The following RANBP2 variants were observed in gnomAD, a reference collection of about 807,000 sequenced individuals.
The protein encoded by RANBP2 is RAN binding protein 2, also known as E3 SUMO-protein ligase RanBP2.
RANBP2 carries 57 observed loss-of-function variants against 303.6 expected under a neutral mutation model. That is an observed-to-expected ratio of 0.19 (90% confidence interval 0.15 to 0.23). The LOEUF is 0.23. Ranked by LOEUF, RANBP2 falls within the 10% of genes least tolerant of loss-of-function variation. The probability of loss-of-function intolerance (pLI) is 1.00; values close to 1 mark genes in which losing one functional copy is unlikely to be tolerated. For missense variants in RANBP2, 3,138 were observed against 3,780.8 expected, an observed-to-expected ratio of 0.83 and a Z score of 4.46; for synonymous variants, 1,167 against 1,301.5, an observed-to-expected ratio of 0.90 and a Z score of 2.23.
chr2:109,570,591 G>T, the RANBP2 span, among the ~76,000 whole-genome samples: 1 of 150,940 alleles, frequency 6.6e-6, no homozygotes, highest in Non-Finnish European at 1.5e-5. Flanking sequence ...GTGGCGTGAT[G>T]TTGGCTCACT....
chr2:109,418,646 C>T, the RANBP2 span, among the ~76,000 whole-genome samples: 1 of 152,278 alleles, frequency 6.6e-6, no homozygotes, highest in Admixed American at 6.5e-5. Context: ...TTCTCAGGAT[C>T]CTTACCTCAT....
chr2:109,664,437 C>G, the RANBP2 span, among the ~76,000 whole-genome samples: 6 of 151,282 alleles, frequency 4.0e-5, no homozygotes, highest in Non-Finnish European at 8.8e-5. Context: ...AACCCCATCT[C>G]TACTAAAAAT....
At chr2:109,043,239 C>T in the RANBP2 span, among the ~76,000 whole-genome samples, 6 of 152,206 alleles carry the variant, frequency 3.9e-5, no homozygotes, top group East Asian at 1.9e-4. Flanking sequence ...GTCATTTGTA[C>T]GTAAATTTTG....
chr2:109,251,327 A>T, the RANBP2 span: 1 of 483,830 alleles, frequency 2.1e-6, no homozygotes, highest in Non-Finnish European at 3.9e-6. Flanking sequence ...TTAACAAAGA[A>T]TTAGAGAGAT....
the RANBP2 span, among the ~76,000 whole-genome samples, chr2:109,680,409 AAAAT>A: frequency 6.6e-6 from 1 of 151,028 alleles, no homozygotes. Flanking sequence ...AAAAGATAAT[AAAAT>A]AAAATAAAAT....
the RANBP2 span, among the ~76,000 whole-genome samples, chr2:108,956,287 T>C: frequency 6.6e-6 from 1 of 152,220 alleles, no homozygotes; most frequent in Non-Finnish European, 1.5e-5. Flanking sequence ...ATACCCTTTT[T>C]ATACATTCTG....
the RANBP2 span, among the ~76,000 whole-genome samples, chr2:109,285,344 A>G: frequency 5.3e-5 from 8 of 152,346 alleles, no homozygotes; most frequent in East Asian, 1.5e-3. Flanking sequence ...GGGTTAAGCC[A>G]GCTTGTGAGT....
intron 2 of RANBP2, 66 bp from the exon 3 acceptor site, chr2:108,730,708 C>T: frequency 6.4e-7 from 1 of 1,567,362 alleles, no homozygotes. Flanking sequence ...AAGATGTATT[C>T]TTCGGTTAGC....
the RANBP2 span, among the ~76,000 whole-genome samples, chr2:109,142,049 G>T: frequency 1.3e-5 from 2 of 151,542 alleles, no homozygotes; most frequent in South Asian, 2.1e-4. Flanking sequence ...CTCCTGGGGG[G>T]GGGGTCTCAG....
the RANBP2 span, among the ~76,000 whole-genome samples, chr2:108,903,225 GA>G: frequency 6.6e-6 from 1 of 151,788 alleles, no homozygotes; most frequent in South Asian, 2.1e-4. Flanking sequence ...CAATGCAGAT[GA>G]AAAAAAATTA....
the RANBP2 span, among the ~76,000 whole-genome samples, chr2:109,697,528 T>C: frequency 6.6e-6 from 1 of 151,752 alleles, no homozygotes; most frequent in East Asian, 1.9e-4. Context: ...GAATTTAAAA[T>C]TCCAAAAGTT....
At chr2:109,405,963 C>T in the RANBP2 span, among the ~76,000 whole-genome samples, 1 of 152,234 alleles carries the variant, frequency 6.6e-6, no homozygotes, top group African/African-American at 2.4e-5. Flanking sequence ...AGCATGGTAC[C>T]TGAGAGACTG....
chr2:108,910,618 G>T, the RANBP2 span: 2 of 1,421,314 alleles, frequency 1.4e-6, no homozygotes, highest in Non-Finnish European at 2.0e-6. Context: ...CTTCCTGTTG[G>T]GCAGAGCTGC....
the RANBP2 span, among the ~76,000 whole-genome samples, chr2:109,420,783 G>A: frequency 6.6e-6 from 1 of 152,120 alleles, no homozygotes; most frequent in South Asian, 2.1e-4. Flanking sequence ...ATTTTGAAGA[G>A]CAACTTGCCA....
the RANBP2 span, among the ~76,000 whole-genome samples, chr2:109,436,044 CCACAGGGAGATGGCTGGACCAGG>C: frequency 6.6e-6 from 1 of 152,124 alleles, no homozygotes; most frequent in Admixed American, 6.5e-5. Context: ...GTGATACCAG[CCACAGGGAGATGGCTGGACCAGG>C]CACAGGAGAC....
chr2:108,883,385 G>A, the RANBP2 span: 1 of 152,328 alleles, frequency 6.6e-6, no homozygotes, highest in African/African-American at 2.4e-5. Context: ...GGGGCCATGT[G>A]CTTTTCAGAC....
chr2:109,699,903 T>C, the RANBP2 span, among the ~76,000 whole-genome samples: 4 of 152,316 alleles, frequency 2.6e-5, no homozygotes, highest in South Asian at 4.2e-4. Context: ...AAGGCAATCA[T>C]AGGGCTTATC....
At chr2:109,021,600 C>T in the RANBP2 span, among the ~76,000 whole-genome samples, 8 of 151,550 alleles carry the variant, frequency 5.3e-5, no homozygotes, top group Non-Finnish European at 7.4e-5. Flanking sequence ...AGTTCTCCTC[C>T]AGACCTGAGG....
chr2:108,845,444 A>G, the RANBP2 span, among the ~76,000 whole-genome samples: 2 of 152,172 alleles, frequency 1.3e-5, no homozygotes, highest in Non-Finnish European at 2.9e-5. Context: ...GATAGGGGAA[A>G]CTGCTATAAA....
Sources: gnomAD v4.1 joint callset for allele counts (sites outside exome capture counted in the v4.1 genomes callset) on GRCh38, gnomAD v4.1.1 for gene constraint, MANE v1.5 for transcripts, NCBI Gene and HGNC (gene_info 2026-07-23, HGNC 2026-07-21) for gene names.